PAK5: variants seen among roughly 807,000 people sequenced by gnomAD.
PAK5 encodes p21 (RAC1) activated kinase 5.
PAK5 carries 16 observed loss-of-function variants against 65.9 expected under a neutral mutation model. That is an observed-to-expected ratio of 0.24 (90% CI 0.16 to 0.37). PAK5 has a LOEUF of 0.37. Ranked by LOEUF, PAK5 falls within the 10% of genes least tolerant of loss-of-function variation. The probability of loss-of-function intolerance (pLI) is 1.00; values close to 1 mark genes in which losing one functional copy is unlikely to be tolerated. For synonymous variants in PAK5, 371 were observed against 354.9 expected (o/e 1.05, Z -0.51); for missense variants, 785 against 903.9 (o/e 0.87, Z 1.69).
chr20:9,746,345 C>T (rs1021668005), intron 1 of PAK5, among the ~76,000 whole-genome samples: 1 of 152,168 alleles, frequency 6.6e-6, no homozygotes, highest in African/African-American at 2.4e-5. Context: ...CCAGAAACCG[C>T]ACAGACATTC....
At chr20:9,596,368 G>A (rs1308871159) in intron 3 of PAK5, among the ~76,000 whole-genome samples, 2 of 152,134 alleles carry the variant, frequency 1.3e-5, no homozygotes, top group Non-Finnish European at 2.9e-5. Context: ...CAGGCACGGA[G>A]GCTCACGCCT....
rs1740962366 is a variant in PAK5 at position 9,833,312 on chromosome 20, A to G, written c.-162+5450T>C. Reference sequence around the variant, plus strand: ...GGCTCTTCTATTCCACTGAGCTATTAATCAATTCTTACACCAGTACTACAT... The same window carrying G: ...GGCTCTTCTATTCCACTGAGCTATTGATCAATTCTTACACCAGTACTACAT... On this transcript the variant is annotated intron_variant, in intron 1 of 9. Transcript: ENST00000353224. 1.3e-5 allele frequency among the ~76,000 whole-genome samples: 2 copies of G among 152,204 alleles called. 1 individual carries two copies. Among genetic ancestry groups the G allele is most frequent in the South Asian group, 4.1e-4 (2 of 4,828 alleles).
chr20:9,641,475 G>C lies in PAK5; in HGVS notation c.204+2650C>G, dbSNP rs561154201. Among the ~76,000 whole-genome samples, 152 of 133,824 alleles carry C rather than the reference G, an allele frequency of 1.1e-3. 20 individuals carry two copies. The highest frequency in any genetic ancestry group is 7.6e-3 in the Middle Eastern group (2 of 264). The allele number at this position is 133,824 out of a possible 152,430, so 87.8% of individuals were successfully genotyped here. On this transcript the variant is annotated intron_variant, in intron 3 of 9. Coordinates refer to ENST00000353224, the MANE Select transcript of PAK5 (RefSeq NM_177990.4). ...TGGTGTATTTACAATCCCTGAGCTA[G>C]ACAGAAAGACTCTCCACGTCCCCAC...
At chr20:9,670,458 G>A (rs1434996743) in intron 2 of PAK5, among the ~76,000 whole-genome samples, 3 of 152,142 alleles carry the variant, frequency 2.0e-5, no homozygotes, top group South Asian at 4.1e-4. Context: ...TTTAATGATT[G>A]CCATTCTAAC....
intron 2 of PAK5, among the ~76,000 whole-genome samples, chr20:9,711,043 C>T (rs907532892): frequency 2.6e-5 from 4 of 152,152 alleles, no homozygotes; most frequent in African/African-American, 9.7e-5. Flanking sequence ...TGTTCATAAA[C>T]ATTATCAATG....
chr20:9,686,738 C>T (rs193300742), intron 2 of PAK5, among the ~76,000 whole-genome samples: 8 of 152,270 alleles, frequency 5.3e-5, no homozygotes, highest in South Asian at 2.1e-4. Context: ...GAGACCCCTT[C>T]GTCTGAACCA....
At chr20:9,641,018 TG>T (rs1227606695) in intron 3 of PAK5, among the ~76,000 whole-genome samples, 2 of 152,206 alleles carry the variant, frequency 1.3e-5, no homozygotes, top group African/African-American at 4.8e-5. Flanking sequence ...TTCTTTTATC[TG>T]GCCCCACCCA....
chr20:9,590,556 C>T (rs1385142642), intron 3 of PAK5, among the ~76,000 whole-genome samples: 1 of 150,916 alleles, frequency 6.6e-6, no homozygotes, highest in Non-Finnish European at 1.5e-5. Flanking sequence ...GAACCCTGAT[C>T]TAGATACACA....
At chr20:9,664,723 T>C in intron 2 of PAK5, among the ~76,000 whole-genome samples, 1 of 152,172 alleles carries the variant, frequency 6.6e-6, no homozygotes, top group East Asian at 1.9e-4. Flanking sequence ...TGGATGATAG[T>C]TATTGTTTTA....
intron 1 of PAK5, among the ~76,000 whole-genome samples, chr20:9,744,982 G>T (rs1217041340): frequency 6.6e-6 from 1 of 152,060 alleles, no homozygotes; most frequent in Non-Finnish European, 1.5e-5. Context: ...TTAACAACAG[G>T]AGAATGGGGA....
intron 2 of PAK5, among the ~76,000 whole-genome samples, chr20:9,702,907 T>G (rs2047958115): frequency 6.6e-6 from 1 of 152,176 alleles, no homozygotes; most frequent in Non-Finnish European, 1.5e-5. Context: ...CTTCTTCAAA[T>G]GTCAATCCCA....
chr20:9,598,035 C>T (rs1031444988), intron 3 of PAK5, among the ~76,000 whole-genome samples: 2 of 152,180 alleles, frequency 1.3e-5, no homozygotes, highest in African/African-American at 4.8e-5. Flanking sequence ...GCCATGGTGG[C>T]TTGCTGCACC....
intron 2 of PAK5, among the ~76,000 whole-genome samples, chr20:9,661,561 T>C (rs537334645): frequency 6.6e-6 from 1 of 152,304 alleles, no homozygotes; most frequent in Non-Finnish European, 1.5e-5. Flanking sequence ...CAAGTTAATA[T>C]TTATTCCCCT....
chr20:9,614,531 T>A (rs1301066449), intron 3 of PAK5, among the ~76,000 whole-genome samples: 2 of 152,172 alleles, frequency 1.3e-5, no homozygotes, highest in Admixed American at 1.3e-4. Flanking sequence ...CACATTGTTT[T>A]CAAACTACAG....
At chr20:9,782,677 A>G (rs2048953123) in intron 1 of PAK5, among the ~76,000 whole-genome samples, 1 of 152,092 alleles carries the variant, frequency 6.6e-6, no homozygotes, top group South Asian at 2.1e-4. Flanking sequence ...TTTTCTGGGA[A>G]CTTGCTTTGC....
intron 1 of PAK5, among the ~76,000 whole-genome samples, chr20:9,729,536 A>G (rs866563225): frequency 4.6e-5 from 7 of 152,158 alleles, no homozygotes; most frequent in Admixed American, 6.5e-5. Flanking sequence ...ACAGGTGGTC[A>G]ATGGAATGCA....
intron 1 of PAK5, among the ~76,000 whole-genome samples, chr20:9,727,366 C>T (rs1048373917): frequency 6.6e-6 from 1 of 152,020 alleles, no homozygotes; most frequent in Non-Finnish European, 1.5e-5. Context: ...GTGAAGTTAA[C>T]CTTCTTCATT....
At chr20:9,568,742 G>A (rs1206874192) in intron 4 of PAK5, among the ~76,000 whole-genome samples, 1 of 152,212 alleles carries the variant, frequency 6.6e-6, no homozygotes, top group African/African-American at 2.4e-5. Context: ...TAAAGCTGAA[G>A]GATCACTTGA....
intron 2 of PAK5, among the ~76,000 whole-genome samples, chr20:9,682,508 C>G (rs183523468): frequency 1.4e-4 from 21 of 152,280 alleles, no homozygotes; most frequent in African/African-American, 5.1e-4. Context: ...ATTACAGATT[C>G]AAAACCCAAG....
Sources: allele counts gnomAD v4.1 joint callset (sites outside exome capture counted in the v4.1 genomes callset), GRCh38; gene constraint gnomAD v4.1.1; transcripts MANE v1.5; gene names NCBI Gene and HGNC (gene_info 2026-07-23, HGNC 2026-07-21).